Variants in TATDN1 observed in about 807,000 individuals in gnomAD.
TATDN1 encodes the protein deoxyribonuclease TATDN1.
A neutral mutation model predicts 46.4 loss-of-function variants in TATDN1; 40 were observed. The ratio of observed to expected loss-of-function variants is 0.86; its 90% CI spans 0.67 to 1.12. The LOEUF (loss-of-function observed/expected upper bound fraction) is 1.12, where lower values mean the gene tolerates loss of function less well. Among genes scored for constraint, TATDN1 ranks in the 50% most tolerant of loss-of-function variants. The probability of loss-of-function intolerance (pLI) is 0.00; values close to 1 mark genes in which losing one functional copy is unlikely to be tolerated. For synonymous variants in TATDN1, 95 were observed against 105.6 expected (o/e 0.90, Z 0.62); for missense variants, 326 against 348.4 (o/e 0.94, Z 0.51).
intron 9 of TATDN1, among the ~76,000 whole-genome samples, chr8:124,498,257 T>C (rs1442569140): frequency 6.6e-6 from 1 of 152,194 alleles, no homozygotes; most frequent in Non-Finnish European, 1.5e-5. Flanking sequence ...TGGGACCTTC[T>C]TGTGGGAGTG....
intron 6 of TATDN1, among the ~76,000 whole-genome samples, chr8:124,515,338 G>A (rs1385012885): frequency 6.6e-6 from 1 of 152,092 alleles, no homozygotes; most frequent in Non-Finnish European, 1.5e-5. Flanking sequence ...CTGAGATCAC[G>A]CCTCTGCACT....
At chr8:124,490,322 C>A (rs1327006551) in intron 11 of TATDN1, 1 of 152,056 alleles carries the variant, frequency 6.6e-6, no homozygotes, top group Non-Finnish European at 1.5e-5. Context: ...CCAGTGTGGG[C>A]AATATGGTGA....
At chr8:124,533,643 T>C (rs1270964988) in intron 1 of TATDN1, among the ~76,000 whole-genome samples, 2 of 151,960 alleles carry the variant, frequency 1.3e-5, no homozygotes, top group East Asian at 3.9e-4. Flanking sequence ...GTTCAACTTG[T>C]AGGAAAAAAG....
At chr8:124,510,449 A>G (rs1818910658) in intron 6 of TATDN1, among the ~76,000 whole-genome samples, 2 of 152,214 alleles carry the variant, frequency 1.3e-5, no homozygotes, top group Admixed American at 1.3e-4. Flanking sequence ...CCACATGACC[A>G]AGCTACAAAT....
At chr8:124,527,718 G>A (rs1820622089) in intron 1 of TATDN1, among the ~76,000 whole-genome samples, 1 of 151,818 alleles carries the variant, frequency 6.6e-6, no homozygotes, top group South Asian at 2.1e-4. Context: ...CCCCATTTTA[G>A]CCACGATCTG....
At chr8:124,523,488 G>A (rs1820228780) in intron 1 of TATDN1, 6 of 152,486 alleles carry the variant, frequency 3.9e-5, no homozygotes, top group African/African-American at 1.2e-4. Flanking sequence ...CTGGCTGCTG[G>A]AGAGAAGAAC....
chr8:124,492,277 C>A (rs1208392293), intron 11 of TATDN1, among the ~76,000 whole-genome samples: 1 of 151,988 alleles, frequency 6.6e-6, no homozygotes, highest in Admixed American at 6.6e-5. Context: ...GCCTGGCCAG[C>A]CTTTATAGTT....
At chr8:124,498,179 T>A (rs1817648602) in intron 9 of TATDN1, among the ~76,000 whole-genome samples, 1 of 152,236 alleles carries the variant, frequency 6.6e-6, no homozygotes, top group Non-Finnish European at 1.5e-5. Context: ...TAGTGTTGCG[T>A]TTCCTTTGCT....
At chr8:124,516,844 T>A (rs149363737) in intron 4 of TATDN1, among the ~76,000 whole-genome samples, 6 of 152,196 alleles carry the variant, frequency 3.9e-5, no homozygotes, top group Non-Finnish European at 8.8e-5. Flanking sequence ...TTGACTTGCA[T>A]AGAATACAAA....
intron 1 of TATDN1, among the ~76,000 whole-genome samples, chr8:124,536,685 G>C (rs748043647): frequency 6.6e-6 from 1 of 152,122 alleles, no homozygotes; most frequent in South Asian, 2.1e-4. Context: ...TCATAAAATG[G>C]GTTCAATTTT....
intron 1 of TATDN1, among the ~76,000 whole-genome samples, chr8:124,537,557 T>G (rs1446749928): frequency 6.6e-6 from 1 of 152,200 alleles, no homozygotes; most frequent in Non-Finnish European, 1.5e-5. Context: ...TGATTTGATT[T>G]TTAGATACAC....
chr8:124,529,240 G>A (rs57941917), intron 1 of TATDN1, among the ~76,000 whole-genome samples: 21,829 of 152,154 alleles, frequency 0.14, 2,000 homozygotes, highest in Admixed American at 0.23. Context: ...GTTTCAACCC[G>A]AGGTCTCTCA....
In TATDN1 at chr8:124,499,017, C is replaced by G. The variant is rs1298608879; in HGVS notation, c.594-3475G>C. On this transcript the variant is annotated intron_variant, in intron 9 of 11. Coordinates refer to ENST00000276692, the MANE Select transcript of TATDN1 (RefSeq NM_032026.4). The stretch of plus-strand genomic sequence containing the variant: ...ATTATGTTGCCCAGACTGGTTACGC[C>G]TATAGCTCTAGCTACTGAGGATGCT... Among the ~76,000 whole-genome samples, 3 of 149,968 alleles carry G rather than the reference C, an allele frequency of 2.0e-5. No homozygotes were observed. In the East Asian group the frequency reaches 5.9e-4, roughly 29 times the overall value.
intron 9 of TATDN1, chr8:124,503,751 G>A (rs1818172216): frequency 2.3e-6 from 1 of 439,094 alleles, no homozygotes; most frequent in South Asian, 1.8e-5. Context: ...TGTACTGAGT[G>A]TGTGAAGTTT....
chr8:124,490,887 A>G (rs1816935718), intron 11 of TATDN1, among the ~76,000 whole-genome samples: 1 of 151,654 alleles, frequency 6.6e-6, no homozygotes, highest in South Asian at 2.1e-4. Context: ...GATTCAAGTG[A>G]TTCTCCTGCC....
intron 10 of TATDN1, chr8:124,495,125 C>CGG: frequency 3.4e-6 from 1 of 293,276 alleles, no homozygotes; most frequent in South Asian, 4.0e-5. Context: ...TATAAAGACA[C>CGG]TGTGTAAACA....
intron 1 of TATDN1, among the ~76,000 whole-genome samples, chr8:124,536,802 T>C (rs777430708): frequency 6.6e-6 from 1 of 152,112 alleles, no homozygotes; most frequent in Admixed American, 6.5e-5. Flanking sequence ...TAGCGATTCA[T>C]GGGCAGAATT....
chr8:124,489,341 C>A (rs921415624), intron 11 of TATDN1: 1 of 152,246 alleles, frequency 6.6e-6, no homozygotes, highest in East Asian at 1.9e-4. Flanking sequence ...CAGTTTCTTT[C>A]TTTCTCTGTC....
At chr8:124,506,100 C>T (rs1004003020) in intron 8 of TATDN1, among the ~76,000 whole-genome samples, 3 of 151,578 alleles carry the variant, frequency 2.0e-5, no homozygotes, top group Non-Finnish European at 4.4e-5. Flanking sequence ...TTTGGGAGGC[C>T]GAGGCAGGTG....
Sources: gnomAD v4.1 joint callset for allele counts (sites outside exome capture counted in the v4.1 genomes callset) on GRCh38, gnomAD v4.1.1 for gene constraint, MANE v1.5 for transcripts, NCBI Gene and HGNC (gene_info 2026-07-23, HGNC 2026-07-21) for gene names.